BOC: variants seen among roughly 807,000 people sequenced by gnomAD.
BOC encodes the protein brother of CDO.
BOC carries 76 observed loss-of-function variants against 112.0 expected under a neutral mutation model. The observed-to-expected ratio is 0.68, with a 90% CI of 0.56 to 0.82. BOC has a LOEUF of 0.82. Ranked by LOEUF, BOC falls within the 40% of genes least tolerant of loss-of-function variation. The probability of loss-of-function intolerance (pLI) is 0.00; values close to 1 mark genes in which losing one functional copy is unlikely to be tolerated. For missense variants in BOC, 1,309 were observed against 1,511.7 expected, an observed-to-expected ratio of 0.87 and a Z score of 2.22; for synonymous variants, 580 against 599.8, an observed-to-expected ratio of 0.97 and a Z score of 0.48.
intron 2 of BOC, among the ~76,000 whole-genome samples, chr3:113,224,981 G>A (rs1436314891): frequency 1.3e-5 from 2 of 152,154 alleles, no homozygotes; most frequent in African/African-American, 4.8e-5. Flanking sequence ...GGAGGCTGAG[G>A]CAGGAGAATG....
chr3:113,256,587 G>A (rs748000303), intron 4 of BOC, among the ~76,000 whole-genome samples: 3 of 152,058 alleles, frequency 2.0e-5, no homozygotes, highest in African/African-American at 4.8e-5. Flanking sequence ...TCCCCTAACC[G>A]CTAATTCCCA....
Position 113,279,864 on chromosome 3 carries a change from G to C in BOC, c.2064G>C (p.Leu688=), listed in dbSNP as rs200983119. The change falls in exon 13 of 20, where the codon CTG becomes CTC. Residue 688 remains leucine, a synonymous_variant. Coordinates refer to ENST00000682979, the MANE Select transcript of BOC (RefSeq NM_001378074.1). The part of the protein sequence containing the change: ...YKFRVRALNM[L]GESEPSAPSR... ...TTCGAGTCCGGGCTCTGAACATGCT[G>C]GGGGAGAGCGAGCCCAGCGCCCCCT... 1.2e-6 allele frequency: 2 copies of C among 1,613,318 alleles called. No individual in the cohort carries two copies. Among genetic ancestry groups the C allele is most frequent in the South Asian group, 1.1e-5 (1 of 90,952 alleles).
chr3:113,284,744 C>G lies in BOC; in HGVS notation c.2890-38C>G, dbSNP rs768947171. 12 of 1,595,598 alleles carry G rather than the reference C, an allele frequency of 7.5e-6. No homozygotes were observed. The Admixed American group carries it at 1.8e-4, about 24-fold the overall frequency. ...GAAGACTGGAAAGTTACCTGGACTCCCCGGCGTGGCCGTCTCATTACTCTT... is the reference window on the plus strand; with the variant it reads ...GAAGACTGGAAAGTTACCTGGACTCGCCGGCGTGGCCGTCTCATTACTCTT... On this transcript the variant is annotated intron_variant, in intron 17 of 19. Coordinates refer to ENST00000682979, the MANE Select transcript of BOC (RefSeq NM_001378074.1).
At chr3:113,256,505 T>C (rs894217351) in intron 4 of BOC, among the ~76,000 whole-genome samples, 5 of 152,202 alleles carry the variant, frequency 3.3e-5, no homozygotes, top group African/African-American at 1.2e-4. Flanking sequence ...TGTTTTGCAC[T>C]GACAGGCTGG....
At chr3:113,256,558 CTA>C (rs1163460257) in intron 4 of BOC, among the ~76,000 whole-genome samples, 1 of 152,202 alleles carries the variant, frequency 6.6e-6, no homozygotes, top group Non-Finnish European at 1.5e-5. Flanking sequence ...CAAACAGAAG[CTA>C]TGTCTCTTTG....
chr3:113,222,066 G>A (rs1390787511), intron 2 of BOC, among the ~76,000 whole-genome samples: 1 of 152,156 alleles, frequency 6.6e-6, no homozygotes, highest in Admixed American at 6.5e-5. Context: ...AAACCTGACC[G>A]CACTTTATTA....
rs1399061440 is a variant in BOC at position 113,274,768 on chromosome 3, C to T, written c.1542+86C>T. 3.7e-6 allele frequency: 5 copies of T among 1,367,880 alleles called. No homozygotes were observed. The highest frequency in any genetic ancestry group is 4.9e-5 in the East Asian group (2 of 40,986). 84.7% of individuals were successfully genotyped at this position (1,367,880 alleles called of 1,614,324 possible). On this transcript the variant is annotated intron_variant, in intron 9 of 19. Coordinates refer to ENST00000682979, the MANE Select transcript of BOC (RefSeq NM_001378074.1). This position sits in a 1 kb window ranked among gnomAD's most constrained non-coding sequence, Gnocchi z 4.8. Reference sequence around the variant, plus strand: ...GAGTCACTGTCTCTTGGCCATCTCCCCTTGAGCTCCTGAAGCCTGAGCCGG... The same window carrying T: ...GAGTCACTGTCTCTTGGCCATCTCCTCTTGAGCTCCTGAAGCCTGAGCCGG...
At chr3:113,212,964 G>A (rs192493818) in intron 1 of BOC, among the ~76,000 whole-genome samples, 1 of 152,318 alleles carries the variant, frequency 6.6e-6, no homozygotes, top group East Asian at 1.9e-4. Flanking sequence ...GAATGCTGAG[G>A]GATGAGAGAG....
At position 113,278,043 on chromosome 3, in the gene BOC, A is replaced by G; in HGVS notation, c.1543-52A>G. Reference sequence around the variant, plus strand: ...CTGCTTTCTTTGTAAACCATAGCCCACTCGTAGCCCGAGGCTGAGATGCCG... The same window carrying G: ...CTGCTTTCTTTGTAAACCATAGCCCGCTCGTAGCCCGAGGCTGAGATGCCG... On this transcript the variant is annotated intron_variant, in intron 9 of 19. Coordinates refer to ENST00000682979, the MANE Select transcript of BOC (RefSeq NM_001378074.1). This position sits in a 1 kb window ranked among gnomAD's most constrained non-coding sequence, Gnocchi z 4.2. 6.2e-7 allele frequency: 1 copy of G among 1,602,024 alleles called. No individual in the cohort carries two copies. Among genetic ancestry groups the G allele is most frequent in the East Asian group, 2.2e-5 (1 of 44,766 alleles).
chr3:113,211,469 T>A (rs116765948), upstream of BOC: 3,913 of 63,708 alleles, frequency 0.061, 74 homozygotes, highest in Non-Finnish European at 0.087. Context: ...CCTCCCAGCC[T>A]CCTCCACTCC....
rs544783788 is a variant in BOC at position 113,237,032 on chromosome 3, AG to A, written c.-81-12688del. 1.4e-3 allele frequency among the ~76,000 whole-genome samples: 208 copies of A among 152,350 alleles called. 2 individuals are homozygous for A. The Middle Eastern group carries it at 0.024, about 17-fold the overall frequency. On this transcript the variant is annotated intron_variant, in intron 2 of 19. Coordinates refer to ENST00000682979, the MANE Select transcript of BOC (RefSeq NM_001378074.1). ...AAGGGTAGAAGAGTTTCAGAAGCCAAGGCTTATGGTTCTTCAGTACCTGATC... is the reference window on the plus strand; with the variant it reads ...AAGGGTAGAAGAGTTTCAGAAGCCAAGCTTATGGTTCTTCAGTACCTGATC...
rs116305041 is a variant in BOC at position 113,230,673 on chromosome 3, T to C, written c.-82+14399T>C. Among the ~76,000 whole-genome samples the C allele has an allele frequency of 6.9e-3, 1,054 of 152,338 alleles. 7 individuals carry two copies. Among genetic ancestry groups the C allele is most frequent in the African/African-American group, 0.024 (987 of 41,564 alleles). ...GTGGTCAAATAATTTTATTTAAGATTGGTAGTTTCTTTTTGTTGTAAATAT... is the reference window on the plus strand; with the variant it reads ...GTGGTCAAATAATTTTATTTAAGATCGGTAGTTTCTTTTTGTTGTAAATAT... On this transcript the variant is annotated intron_variant, in intron 2 of 19. Transcript: ENST00000682979.
At chr3:113,281,226 C>A in intron 15 of BOC, 73 bp downstream of exon 15, 1 of 1,566,900 alleles carries the variant, frequency 6.4e-7, no homozygotes, top group Non-Finnish European at 8.7e-7. Context: ...ATTCCCTGTG[C>A]CTGTGCGGTG....
rs560203139 is a variant in BOC, at chr3:113,283,832, T to C, written c.2656+200T>C. ...TTGGGGAGGAGGAAGGAGGGAAAGT[T>C]GGGCTGTCTTCTCTGCACCTTTGGA... On this transcript the variant is annotated intron_variant, in intron 16 of 19. Transcript: ENST00000682979. Among the ~76,000 whole-genome samples, 35 of 151,634 alleles carry C rather than the reference T, an allele frequency of 2.3e-4. No individual in the cohort carries two copies. The South Asian group carries it at 7.1e-3, about 31-fold the overall frequency.
chr3:113,215,654 A>G (rs1022682163), intron 1 of BOC, among the ~76,000 whole-genome samples: 1 of 152,220 alleles, frequency 6.6e-6, no homozygotes, highest in Non-Finnish European at 1.5e-5. Flanking sequence ...CATGAGTCCT[A>G]TAATCAAGTC....
Position 113,250,716 on chromosome 3 carries a change from AC to A in BOC, c.262del (p.His88ThrfsTer35). Reference protein sequence around the residue: ...GSDDALGVLITHGTLVITALN... With the variant: ...GSDDALGVLIXHGTLVITALN... ...GGATGATGCTCTGGGTGTCCTCATC[AC>A]CCACGGGACCCTCGTCATCACTGCC... On this transcript the variant is annotated frameshift_variant, in exon 4 of 20. Coordinates refer to ENST00000682979, the MANE Select transcript of BOC (RefSeq NM_001378074.1). LOFTEE classifies it high-confidence loss of function. 1 of 1,614,068 alleles carries A rather than the reference AC, an allele frequency of 6.2e-7. No individual in the cohort carries two copies. Among genetic ancestry groups the A allele is most frequent in the Non-Finnish European group, 8.5e-7 (1 of 1,180,002 alleles).
intron 2 of BOC, among the ~76,000 whole-genome samples, chr3:113,235,886 A>G (rs956355775): frequency 6.6e-6 from 1 of 152,294 alleles, no homozygotes; most frequent in Non-Finnish European, 1.5e-5. Flanking sequence ...AGATGAAATC[A>G]TGTGTGTCTA....
At position 113,278,051 on chromosome 3, in the gene BOC, C is replaced by T. The variant is rs7627584; in HGVS notation, c.1543-44C>T. 3,562 of 1,609,282 alleles carry T rather than the reference C, an allele frequency of 2.2e-3. 74 individuals carry two copies. The African/African-American group carries it at 0.041, about 18-fold the overall frequency. ...TTTGTAAACCATAGCCCACTCGTAG[C>T]CCGAGGCTGAGATGCCGGTCTTTAT... On this transcript the variant is annotated intron_variant, in intron 9 of 19. Coordinates refer to ENST00000682979, the MANE Select transcript of BOC (RefSeq NM_001378074.1). The surrounding 1 kb of genome is among the most constrained non-coding windows in gnomAD (Gnocchi z 4.2).
At chr3:113,276,154 G>A (rs979854429) in intron 9 of BOC, among the ~76,000 whole-genome samples, 1 of 152,218 alleles carries the variant, frequency 6.6e-6, no homozygotes, top group Admixed American at 6.5e-5. Flanking sequence ...CAGGCCAAAC[G>A]CCCATGGTTC....
Sources: allele counts gnomAD v4.1 joint callset (sites outside exome capture counted in the v4.1 genomes callset), GRCh38; gene constraint gnomAD v4.1.1; non-coding constraint Gnocchi (gnomAD v3.1); transcripts MANE v1.5; gene names NCBI Gene and HGNC (gene_info 2026-07-23, HGNC 2026-07-21).